Variants in KCNT2 observed in about 807,000 individuals in gnomAD.
KCNT2 encodes the protein potassium channel subfamily T member 2.
A neutral mutation model predicts 153.8 loss-of-function variants in KCNT2; 67 were observed. That is an observed-to-expected ratio of 0.44 (90% CI 0.36 to 0.53). The LOEUF is 0.53. KCNT2 is among the 20% of genes least tolerant of loss of function. The pLI is 0.00. For synonymous variants in KCNT2, 500 were observed against 458.8 expected, an observed-to-expected ratio of 1.09 and a Z score of -1.15; for missense variants, 975 against 1,354.8, an observed-to-expected ratio of 0.72 and a Z score of 4.40.
intron 5 of KCNT2, among the ~76,000 whole-genome samples, chr1:196,469,322 T>C (rs1194978443): frequency 1.3e-5 from 2 of 152,168 alleles, no homozygotes; most frequent in Admixed American, 1.3e-4. Context: ...ACATTTTTTA[T>C]CAAGTAATAT....
chr1:196,240,790 A>C (rs1654880667), intron 26 of KCNT2, among the ~76,000 whole-genome samples: 1 of 152,106 alleles, frequency 6.6e-6, no homozygotes, highest in African/African-American at 2.4e-5. Flanking sequence ...GTGCAATGAG[A>C]AAACATTGAA....
intron 1 of KCNT2, among the ~76,000 whole-genome samples, chr1:196,538,005 T>A (rs1456292108): frequency 6.6e-6 from 1 of 152,116 alleles, no homozygotes; most frequent in Non-Finnish European, 1.5e-5. Context: ...AGCTTCTAAC[T>A]CCTTTCCTGA....
At chr1:196,420,949 T>C (rs1277999860) in intron 12 of KCNT2, among the ~76,000 whole-genome samples, 1 of 152,050 alleles carries the variant, frequency 6.6e-6, no homozygotes, top group Non-Finnish European at 1.5e-5. Context: ...CTACTTTTCT[T>C]ATAGACTTCT....
chr1:196,529,192 ATG>A (rs1328304867), intron 1 of KCNT2, among the ~76,000 whole-genome samples: 3 of 152,154 alleles, frequency 2.0e-5, no homozygotes, highest in Non-Finnish European at 4.4e-5. Flanking sequence ...GTTTTCCGAA[ATG>A]TGTGTCTCTT....
At position 196,574,237 on chromosome 1, in the gene KCNT2, G is replaced by A. The variant is rs556461805; in HGVS notation, c.95+33978C>T. ...AAGCTTCCTGGTAATAAAAACCAACGAATGAAATTTTGTGTCTTATTGTAT... is the reference window on the plus strand; with the variant it reads ...AAGCTTCCTGGTAATAAAAACCAACAAATGAAATTTTGTGTCTTATTGTAT... On this transcript the variant is annotated intron_variant, in intron 1 of 27. Coordinates refer to ENST00000294725, the MANE Select transcript of KCNT2 (RefSeq NM_198503.5). Among the ~76,000 whole-genome samples the A allele has an allele frequency of 3.3e-5, 5 of 151,870 alleles. No individual in the cohort carries two copies. The South Asian group carries it at 8.3e-4, about 25-fold the overall frequency.
chr1:196,602,811 G>A (rs1455339996), intron 1 of KCNT2, among the ~76,000 whole-genome samples: 1 of 110,404 alleles, frequency 9.1e-6, no homozygotes, highest in African/African-American at 3.7e-5. Context: ...ACGGAGTCTC[G>A]CTCTGTCGCC....
intron 8 of KCNT2, among the ~76,000 whole-genome samples, chr1:196,432,398 G>T (rs1674243679): frequency 6.6e-6 from 1 of 152,228 alleles, no homozygotes; most frequent in Non-Finnish European, 1.5e-5. Flanking sequence ...GCCAGTGTGG[G>T]AGAGCTGGAG....
intron 1 of KCNT2, among the ~76,000 whole-genome samples, chr1:196,509,192 C>A (rs1002583405): frequency 6.6e-6 from 1 of 151,132 alleles, no homozygotes; most frequent in South Asian, 2.1e-4. Flanking sequence ...TCGCTTGAAC[C>A]CAAGAAGCGG....
intron 22 of KCNT2, among the ~76,000 whole-genome samples, chr1:196,292,282 G>GA (rs1485993043): frequency 5.3e-5 from 8 of 152,042 alleles, no homozygotes; most frequent in African/African-American, 1.7e-4. Context: ...TTTTATGATG[G>GA]AAAACTCTCA....
intron 5 of KCNT2, among the ~76,000 whole-genome samples, chr1:196,469,858 A>G (rs143004634): frequency 6.6e-6 from 1 of 152,184 alleles, no homozygotes. Context: ...TTATTCTTCT[A>G]TGAAGAGATC....
At chr1:196,445,666 C>CAA (rs1675627465) in intron 8 of KCNT2, among the ~76,000 whole-genome samples, 1 of 151,268 alleles carries the variant, frequency 6.6e-6, no homozygotes, top group Non-Finnish European at 1.5e-5. Flanking sequence ...TGCTTAAAAT[C>CAA]AACTGAAAAA....
intron 13 of KCNT2, among the ~76,000 whole-genome samples, chr1:196,394,417 T>C (rs1462722600): frequency 6.6e-6 from 1 of 151,538 alleles, no homozygotes; most frequent in Non-Finnish European, 1.5e-5. Flanking sequence ...AGATGTGGGA[T>C]TGGATGCAGA....
At chr1:196,532,539 C>G (rs1052509492) in intron 1 of KCNT2, among the ~76,000 whole-genome samples, 1 of 151,650 alleles carries the variant, frequency 6.6e-6, no homozygotes, top group Admixed American at 6.6e-5. Context: ...TTACTCCAGC[C>G]TTGAATTTTC....
chr1:196,566,450 T>C (rs138660688), intron 1 of KCNT2, among the ~76,000 whole-genome samples: 13 of 152,202 alleles, frequency 8.5e-5, no homozygotes, highest in African/African-American at 3.1e-4. Context: ...AAATGACATA[T>C]TCAAAGATAT....
At chr1:196,341,969 C>A in intron 15 of KCNT2, 110 bp downstream of exon 15, 1 of 1,094,612 alleles carries the variant, frequency 9.1e-7, no homozygotes, top group East Asian at 2.6e-5. Context: ...ACAAAAATTC[C>A]GGAATGCCTA....
At chr1:196,390,896 T>A (rs1670426042) in intron 13 of KCNT2, among the ~76,000 whole-genome samples, 1 of 148,618 alleles carries the variant, frequency 6.7e-6, no homozygotes, top group South Asian at 2.1e-4. Context: ...CATTCTTTTT[T>A]TTTTTTTTTT....
rs975843984 is a variant in KCNT2 at position 196,478,086 on chromosome 1, A to G, written c.384+1093T>C. 2.6e-5 allele frequency among the ~76,000 whole-genome samples: 4 copies of G among 152,214 alleles called. No individual in the cohort carries two copies. The East Asian group carries it at 7.7e-4, about 29-fold the overall frequency. On this transcript the variant is annotated intron_variant, in intron 5 of 27. Coordinates refer to ENST00000294725, the MANE Select transcript of KCNT2 (RefSeq NM_198503.5). ...TACGATTGTTTCTTAGTCTTACTGC[A>G]GTATTTCCAGTCCTTCAAACTTAGA... is the stretch of plus-strand genomic sequence containing the variant.
At chr1:196,309,009 T>C (rs945766348) in intron 21 of KCNT2, among the ~76,000 whole-genome samples, 1 of 151,872 alleles carries the variant, frequency 6.6e-6, no homozygotes, top group Non-Finnish European at 1.5e-5. Context: ...AACACTATAA[T>C]ATAATAGATG....
chr1:196,546,853 T>C (rs1248366622), intron 1 of KCNT2, among the ~76,000 whole-genome samples: 3 of 152,034 alleles, frequency 2.0e-5, no homozygotes, highest in Admixed American at 6.6e-5. Flanking sequence ...ATGTACGTCA[T>C]GGAACATTGA....
Sources: gnomAD v4.1 joint callset for allele counts (sites outside exome capture counted in the v4.1 genomes callset) on GRCh38, gnomAD v4.1.1 for gene constraint, MANE v1.5 for transcripts, NCBI Gene and HGNC (gene_info 2026-07-23, HGNC 2026-07-21) for gene names.